Variants in OSBPL8 observed in about 807,000 individuals in gnomAD.
OSBPL8 encodes the protein oxysterol-binding protein-related protein 8.
In OSBPL8, 59 loss-of-function variants were observed where a neutral mutation model predicts 125.5. That is an observed-to-expected ratio of 0.47 (90% CI 0.38 to 0.58). OSBPL8 has a LOEUF of 0.58. Among genes scored for constraint, OSBPL8 ranks in the 20% least tolerant of loss-of-function variants. OSBPL8 has a pLI of 0.00. For synonymous variants in OSBPL8, 330 were observed against 338.9 expected (o/e 0.97, Z 0.29); for missense variants, 758 against 1,047.8 (o/e 0.72, Z 3.82).
chr12:76,466,456 T>C (rs1875452243), intron 2 of OSBPL8, among the ~76,000 whole-genome samples: 1 of 152,180 alleles, frequency 6.6e-6, no homozygotes, highest in African/African-American at 2.4e-5. Flanking sequence ...TCACTGTCTC[T>C]TGAACTTCAG....
Position 76,355,756 on chromosome 12 carries a change from A to T in OSBPL8, c.*133T>A, listed in dbSNP as rs1592503643. 3 of 920,114 alleles carry T rather than the reference A, an allele frequency of 3.3e-6. No homozygotes were observed. In the East Asian group the frequency reaches 8.1e-5, roughly 25 times the overall value. 57.0% of individuals were successfully genotyped at this position (920,114 alleles called of 1,614,324 possible). ...AAGATAAAAGATACGAAAAGTCAATACCTCTACATTTATCTCCTAGGTTTT... is the reference window on the plus strand; with the variant it reads ...AAGATAAAAGATACGAAAAGTCAATTCCTCTACATTTATCTCCTAGGTTTT... On this transcript the variant is annotated 3_prime_UTR_variant, in exon 24 of 24. Transcript: ENST00000261183.
chr12:76,474,412 C>T (rs184198624), intron 2 of OSBPL8, among the ~76,000 whole-genome samples: 129 of 151,798 alleles, frequency 8.5e-4, no homozygotes, highest in Middle Eastern at 6.8e-3. Context: ...TTTATATATA[C>T]GCACTTGTGT....
At chr12:76,359,405 T>G (rs1250972742) in intron 21 of OSBPL8, among the ~76,000 whole-genome samples, 1 of 152,202 alleles carries the variant, frequency 6.6e-6, no homozygotes, top group Non-Finnish European at 1.5e-5. Context: ...TTGAAGTGGA[T>G]GCACAAGATT....
chr12:76,504,414 C>G (rs975989660), intron 1 of OSBPL8, among the ~76,000 whole-genome samples: 1 of 152,180 alleles, frequency 6.6e-6, no homozygotes, highest in African/African-American at 2.4e-5. Flanking sequence ...CTACATTTTG[C>G]AAATGTCTTT....
At chr12:76,426,113 A>G (rs1870119367) in intron 4 of OSBPL8, among the ~76,000 whole-genome samples, 1 of 152,194 alleles carries the variant, frequency 6.6e-6, no homozygotes, top group Admixed American at 6.6e-5. Context: ...ATGAACAGAA[A>G]TCTAACTTAG....
chr12:76,439,651 A>T (rs888690178), intron 4 of OSBPL8, among the ~76,000 whole-genome samples: 6 of 152,056 alleles, frequency 3.9e-5, no homozygotes, highest in Non-Finnish European at 8.8e-5. Context: ...TGTAAAAGTA[A>T]TCTGTATTAC....
rs1233808932 is a variant in OSBPL8 at position 76,356,109 on chromosome 12, G to C, written c.2538-88C>G. 7.2e-6 allele frequency: 6 copies of C among 828,852 alleles called. No individual in the cohort carries two copies. In the South Asian group the frequency reaches 7.3e-5, roughly 10 times the overall value. 51.3% of individuals were successfully genotyped at this position (828,852 alleles called of 1,614,324 possible). On this transcript the variant is annotated intron_variant, in intron 23 of 23. Coordinates refer to ENST00000261183, the MANE Select transcript of OSBPL8 (RefSeq NM_020841.5). The stretch of plus-strand genomic sequence containing the variant: ...CAATTTGATATTAAACAGTCACAGA[G>C]CATTTAATGTTAATAATTTTTAGTT...
At chr12:76,530,034 G>T (rs1183414751) in intron 1 of OSBPL8, among the ~76,000 whole-genome samples, 1 of 152,006 alleles carries the variant, frequency 6.6e-6, no homozygotes, top group Non-Finnish European at 1.5e-5. Flanking sequence ...CCTTTAACAT[G>T]TCAAGCAGAT....
chr12:76,476,710 A>T (rs1876849692), intron 2 of OSBPL8, among the ~76,000 whole-genome samples: 1 of 152,194 alleles, frequency 6.6e-6, no homozygotes, highest in South Asian at 2.1e-4. Flanking sequence ...TTTAAATAGT[A>T]ACAGAACACT....
At chr12:76,525,907 T>C (rs968725954) in intron 1 of OSBPL8, among the ~76,000 whole-genome samples, 2 of 152,242 alleles carry the variant, frequency 1.3e-5, no homozygotes, top group Admixed American at 6.5e-5. Context: ...GAATACCTAC[T>C]ACGTGCCAAC....
At chr12:76,381,487 A>G (rs922677651) in intron 15 of OSBPL8, among the ~76,000 whole-genome samples, 1 of 152,146 alleles carries the variant, frequency 6.6e-6, no homozygotes, top group Non-Finnish European at 1.5e-5. Flanking sequence ...GTCCATTTCA[A>G]ATTTCTATCT....
intron 2 of OSBPL8, among the ~76,000 whole-genome samples, chr12:76,466,271 T>G (rs542963156): frequency 1.1e-4 from 17 of 152,262 alleles, no homozygotes; most frequent in Admixed American, 9.8e-4. Flanking sequence ...TTATTTACAT[T>G]TTGAAAAAAA....
chr12:76,498,915 T>C (rs760117657), intron 1 of OSBPL8, among the ~76,000 whole-genome samples: 13 of 152,076 alleles, frequency 8.5e-5, no homozygotes, highest in Non-Finnish European at 1.8e-4. Flanking sequence ...TTTATAAAGA[T>C]GAAGTTTCAC....
At chr12:76,491,887 G>C (rs1268238765) in intron 1 of OSBPL8, among the ~76,000 whole-genome samples, 1 of 151,976 alleles carries the variant, frequency 6.6e-6, no homozygotes, top group Non-Finnish European at 1.5e-5. Flanking sequence ...AATATCATAA[G>C]CAGCTTTTAC....
At chr12:76,527,281 C>T (rs912406532) in intron 1 of OSBPL8, among the ~76,000 whole-genome samples, 20 of 151,994 alleles carry the variant, frequency 1.3e-4, no homozygotes, top group Non-Finnish European at 2.9e-4. Flanking sequence ...AGGCAACTTA[C>T]AATAACTACA....
intron 1 of OSBPL8, among the ~76,000 whole-genome samples, chr12:76,511,085 A>C (rs975841799): frequency 2.0e-5 from 3 of 152,224 alleles, no homozygotes; most frequent in Admixed American, 6.5e-5. Context: ...AAACCAGTAC[A>C]TAGGGATATT....
chr12:76,487,424 A>G, intron 2 of OSBPL8, 86 bp downstream of exon 2: 2 of 1,080,592 alleles, frequency 1.9e-6, no homozygotes, highest in Non-Finnish European at 2.7e-6. Context: ...TTTGTTGTTA[A>G]TATATTTTAA....
intron 1 of OSBPL8, among the ~76,000 whole-genome samples, chr12:76,491,075 G>T (rs749991185): frequency 6.6e-6 from 1 of 152,156 alleles, no homozygotes; most frequent in Admixed American, 6.5e-5. Context: ...CATTTCCCAC[G>T]TTGTTCACTC....
intron 23 of OSBPL8, 141 bp from the exon 24 acceptor site, chr12:76,356,162 T>TGGGGGGGGTGATGGGGGGGG (rs1951977973): frequency 7.6e-6 from 1 of 131,834 alleles, no homozygotes; most frequent in Non-Finnish European, 1.6e-5. Flanking sequence ...TATGTAGGGG[T>TGGGGGGGGTGATGGGGGGGG]GGGGGGGGGC....
Sources: gnomAD v4.1 joint callset for allele counts (sites outside exome capture counted in the v4.1 genomes callset) on GRCh38, gnomAD v4.1.1 for gene constraint, MANE v1.5 for transcripts, NCBI Gene and HGNC (gene_info 2026-07-23, HGNC 2026-07-21) for gene names.